Variants in SLC2A12 observed in about 807,000 individuals in gnomAD.
SLC2A12 encodes solute carrier family 2 member 12, also known as solute carrier family 2, facilitated glucose transporter member 12.
A neutral mutation model predicts 41.8 loss-of-function variants in SLC2A12; 23 were observed. The observed-to-expected ratio is 0.55, with a 90% CI of 0.40 to 0.78. SLC2A12 has a LOEUF of 0.78. Among genes scored for constraint, SLC2A12 ranks in the 30% least tolerant of loss-of-function variants. SLC2A12 has a pLI of 0.00. For synonymous variants in SLC2A12, 295 were observed against 285.9 expected (o/e 1.03, Z -0.32); for missense variants, 654 against 745.6 (o/e 0.88, Z 1.43).
intron 3 of SLC2A12, among the ~76,000 whole-genome samples, chr6:134,005,204 A>G (rs1163510997): frequency 6.6e-6 from 1 of 152,130 alleles, no homozygotes; most frequent in Non-Finnish European, 1.5e-5. Context: ...GTTCCTTTAG[A>G]TAGGGCTGCT....
At chr6:134,011,432 G>A (rs1310991520) in intron 2 of SLC2A12, among the ~76,000 whole-genome samples, 2 of 151,758 alleles carry the variant, frequency 1.3e-5, no homozygotes, top group East Asian at 3.9e-4. Flanking sequence ...GACCAGCCTG[G>A]GCAATGTAGT....
intron 1 of SLC2A12, among the ~76,000 whole-genome samples, chr6:134,044,059 C>T (rs1777422026): frequency 6.6e-6 from 1 of 152,126 alleles, no homozygotes; most frequent in South Asian, 2.1e-4. Context: ...AAGCTATTTT[C>T]CCTCCTTAGA....
rs750451594 is a variant in SLC2A12, at chr6:134,029,253, T to C, written c.572A>G (p.Asn191Ser). ...SAYISNYAFA[N>S]VFHGWKYMFG... ...CATGTACTTCCAGCCATGGAAAACA[T>C]TGGCAAATGCGTAATTTGAAATATA... The change falls in exon 2 of 5, where the codon AAT (asparagine) becomes AGT (serine). Residue 191 changes from asparagine to serine, a missense_variant. By Grantham distance (46) the Asn-to-Ser change is conservative. Around this residue, in one of 3 missense-constraint regions of SLC2A12, gnomAD observed 411 missense variants for 412.1 expected, o/e 1.00. Coordinates refer to ENST00000275230, the MANE Select transcript of SLC2A12 (RefSeq NM_145176.3). 5.6e-6 allele frequency: 9 copies of C among 1,614,056 alleles called. No homozygotes were observed. The highest frequency in any genetic ancestry group is 2.2e-5 in the East Asian group (1 of 44,884).
intron 1 of SLC2A12, among the ~76,000 whole-genome samples, chr6:134,039,400 G>A (rs1777350083): frequency 6.6e-6 from 1 of 152,188 alleles, no homozygotes; most frequent in African/African-American, 2.4e-5. Flanking sequence ...TTTTGCCACA[G>A]AGTCTATCTT....
chr6:134,020,479 T>C (rs991753129), intron 2 of SLC2A12, among the ~76,000 whole-genome samples: 15 of 152,226 alleles, frequency 9.9e-5, no homozygotes, highest in African/African-American at 3.6e-4. Context: ...CCAACTAGTT[T>C]ATATAGTTTA....
At chr6:134,027,199 C>A (rs535511636) in intron 2 of SLC2A12, among the ~76,000 whole-genome samples, 27 of 152,294 alleles carry the variant, frequency 1.8e-4, no homozygotes, top group South Asian at 1.2e-3. Flanking sequence ...GAAAAAAATT[C>A]ATCACTCAAT....
At chr6:134,024,944 A>C (rs957361082) in intron 2 of SLC2A12, among the ~76,000 whole-genome samples, 1 of 152,234 alleles carries the variant, frequency 6.6e-6, no homozygotes, top group African/African-American at 2.4e-5. Context: ...GCATTTTCTC[A>C]ATACGTTCAG....
chr6:134,044,362 G>T (rs931643124), intron 1 of SLC2A12, among the ~76,000 whole-genome samples: 5 of 152,166 alleles, frequency 3.3e-5, no homozygotes, highest in Admixed American at 2.6e-4. Context: ...TTTGCTGAAT[G>T]GTTATCTTGC....
At position 134,032,949 on chromosome 6, in the gene SLC2A12, T is replaced by C. The variant is rs1475255264; in HGVS notation, c.104-3228A>G. On this transcript the variant is annotated intron_variant, in intron 1 of 4. Coordinates refer to ENST00000275230, the MANE Select transcript of SLC2A12 (RefSeq NM_145176.3). ...GTTATATGTTTGCAACTTGTCAAAA[T>C]AGAAACAAAACAAAACAAAAAAGCA... 5.3e-5 allele frequency among the ~76,000 whole-genome samples: 8 copies of C among 150,350 alleles called. No homozygotes were observed. In the South Asian group the frequency reaches 1.3e-3, roughly 24 times the overall value.
intron 2 of SLC2A12, among the ~76,000 whole-genome samples, chr6:134,022,668 A>G (rs1243927034): frequency 1.3e-5 from 2 of 152,242 alleles, no homozygotes; most frequent in Non-Finnish European, 2.9e-5. Flanking sequence ...CGTGGAAGAA[A>G]AGAGGAAAGC....
Position 134,006,901 on chromosome 6 carries a change from C to T in SLC2A12, c.1478G>A (p.Gly493Asp), listed in dbSNP as rs1449334834. 14 of 1,614,012 alleles carry T rather than the reference C, an allele frequency of 8.7e-6. No individual in the cohort carries two copies. Among genetic ancestry groups the T allele is most frequent in the Non-Finnish European group, 1.2e-5 (14 of 1,180,014 alleles). ...AGCCATGGCTCGTCCTCTGATCCCA[C>T]CAGGAAAGATCTCGCTGAGCACCAG... is the stretch of plus-strand genomic sequence containing the variant. ...PWLVLSEIFPGGIRGRAMALT... is the reference protein window; with the variant it reads ...PWLVLSEIFPDGIRGRAMALT... Residue 493 changes from glycine (G) to aspartate (D), a missense_variant, in exon 3 of 5, where the codon GGT becomes GAT. Coordinates refer to ENST00000275230, the MANE Select transcript of SLC2A12 (RefSeq NM_145176.3).
chr6:134,028,101 C>G (rs892255973), intron 2 of SLC2A12, among the ~76,000 whole-genome samples: 1 of 151,978 alleles, frequency 6.6e-6, no homozygotes, highest in African/African-American at 2.4e-5. Context: ...AATGTAATTC[C>G]CTTGGGCAAT....
intron 2 of SLC2A12, among the ~76,000 whole-genome samples, chr6:134,019,226 A>G (rs115318732): frequency 0.026 from 3,967 of 152,266 alleles, 149 homozygotes; most frequent in African/African-American, 0.085. Flanking sequence ...ACAGTCACAT[A>G]TATTTTCCGG....
Position 134,029,598 on chromosome 6 carries a change from C to A in SLC2A12, c.227G>T (p.Cys76Phe). Reference sequence around the variant, plus strand: ...GCTCACAACCATTTCCTGCTCATGGCAGCTCAGGGCTAATAAGGTTTTGAT... The same window carrying A: ...GCTCACAACCATTTCCTGCTCATGGAAGCTCAGGGCTAATAAGGTTTTGAT... ...LQIKTLLALS[C>F]HEQEMVVSSL... The change falls in exon 2 of 5, where the codon TGC becomes TTC. Residue 76 changes from cysteine to phenylalanine, a missense_variant. Coordinates refer to ENST00000275230, the MANE Select transcript of SLC2A12 (RefSeq NM_145176.3). 1 of 1,614,068 alleles carries A rather than the reference C, an allele frequency of 6.2e-7. No homozygotes were observed. The highest frequency in any genetic ancestry group is 8.5e-7 in the Non-Finnish European group (1 of 1,180,012).
intron 4 of SLC2A12, among the ~76,000 whole-genome samples, chr6:133,997,011 G>A (rs1164516071): frequency 1.3e-5 from 2 of 149,042 alleles, no homozygotes; most frequent in Non-Finnish European, 2.9e-5. Flanking sequence ...GGAGGCAAAG[G>A]CGGGCAGATC....
intron 1 of SLC2A12, among the ~76,000 whole-genome samples, chr6:134,047,471 T>A (rs1047251904): frequency 3.3e-5 from 5 of 152,208 alleles, no homozygotes; most frequent in Non-Finnish European, 7.3e-5. Context: ...AATTAAAAAT[T>A]GCAATTTCAA....
chr6:133,991,227 G>T lies in SLC2A12; in HGVS notation c.1782C>A (p.Pro594=). The T allele has an allele frequency of 3.1e-6, 5 of 1,614,030 alleles. No individual in the cohort carries two copies. Among genetic ancestry groups the T allele is most frequent in the Non-Finnish European group, 4.2e-6 (5 of 1,179,984 alleles). ...TGTTACACTCCAAGAGCTGCTCCTGGGGTTTTCTTTTTTGAGGCTGTTTTG... is the reference window on the plus strand; with the variant it reads ...TGTTACACTCCAAGAGCTGCTCCTGTGGTTTTCTTTTTTGAGGCTGTTTTG... ...LVPKQPQKRK[P]QEQLLECNKL... is the part of the protein sequence containing the mutation. Residue 594 remains proline (P), a synonymous_variant, in exon 5 of 5, where the codon CCC becomes CCA. Coordinates refer to ENST00000275230, the MANE Select transcript of SLC2A12 (RefSeq NM_145176.3).
Position 133,991,053 on chromosome 6 carries a change from A to ATG in SLC2A12, c.*100_*101dup, listed in dbSNP as rs1401925614. The ATG allele has an allele frequency of 3.0e-6, 4 of 1,351,954 alleles. No homozygotes were observed. The Admixed American group carries it at 9.6e-5, about 33-fold the overall frequency. 83.7% of individuals were successfully genotyped at this position (1,351,954 alleles called of 1,614,324 possible). A position where few individuals can be genotyped will look rare whatever the true frequency, so the allele number is the denominator to read the frequency against. ...AGAGTGTCTCTTCAAAACCAGTTCC[A>ATG]TGACACTGAAAAGAGAGCACAGGAG... On this transcript the variant is annotated 3_prime_UTR_variant, in exon 5 of 5. Coordinates refer to ENST00000275230, the MANE Select transcript of SLC2A12 (RefSeq NM_145176.3).
chr6:133,993,842 CA>C (rs1562188787), intron 4 of SLC2A12, among the ~76,000 whole-genome samples: 1 of 152,182 alleles, frequency 6.6e-6, no homozygotes, highest in Non-Finnish European at 1.5e-5. Flanking sequence ...GTCTGGGATG[CA>C]GCCTCTGGCC....
Sources: allele counts gnomAD v4.1 joint callset (sites outside exome capture counted in the v4.1 genomes callset), GRCh38; gene constraint gnomAD v4.1.1; regional missense constraint gnomAD v4.1.1; transcripts MANE v1.5; gene names NCBI Gene and HGNC (gene_info 2026-07-23, HGNC 2026-07-21).